TNFSF4: variants seen among roughly 807,000 people sequenced by gnomAD.
TNFSF4 encodes tumor necrosis factor ligand superfamily member 4.
In TNFSF4, 4 loss-of-function variants were observed where a neutral mutation model predicts 7.3. The observed-to-expected ratio is 0.55, with a 90% confidence interval of 0.27 to 1.25. The LOEUF is 1.25. Ranked by LOEUF, TNFSF4 falls within the 50% of genes most tolerant of loss-of-function variation. The pLI, the probability that TNFSF4 is intolerant of heterozygous loss-of-function variation, is 0.12. For missense variants in TNFSF4, 181 were observed against 208.8 expected (o/e 0.87, Z 0.82); for synonymous variants, 76 against 83.7 (o/e 0.91, Z 0.50).
chr1:173,449,251 G>A, the TNFSF4 span, among the ~76,000 whole-genome samples: 2 of 152,116 alleles, frequency 1.3e-5, no homozygotes, highest in South Asian at 4.1e-4. Flanking sequence ...GCTGATGCCA[G>A]AGCTGTTTCC....
chr1:173,227,461 T>C, the TNFSF4 span, among the ~76,000 whole-genome samples: 3 of 152,100 alleles, frequency 2.0e-5, no homozygotes, highest in African/African-American at 4.8e-5. Context: ...GTTGGCCAAA[T>C]AGGAACAGCT....
At chr1:173,175,935 T>A in the TNFSF4 span, among the ~76,000 whole-genome samples, 1 of 152,140 alleles carries the variant, frequency 6.6e-6, no homozygotes, top group East Asian at 1.9e-4. Context: ...GAAGTCATGG[T>A]TTTTTGTTTT....
the TNFSF4 span, among the ~76,000 whole-genome samples, chr1:173,278,096 G>C: frequency 6.6e-6 from 1 of 152,034 alleles, no homozygotes; most frequent in African/African-American, 2.4e-5. Context: ...CATTTAAATA[G>C]GAGATCCCAA....
the TNFSF4 span, among the ~76,000 whole-genome samples, chr1:173,365,090 GAA>G: frequency 3.0e-5 from 4 of 134,300 alleles, no homozygotes; most frequent in Admixed American, 1.5e-4. Flanking sequence ...CTGTCACAGG[GAA>G]AAAAAAAAAA....
the TNFSF4 span, among the ~76,000 whole-genome samples, chr1:173,306,357 C>T: frequency 6.6e-6 from 1 of 151,846 alleles, no homozygotes; most frequent in South Asian, 2.1e-4. Flanking sequence ...TGGGGGTAAT[C>T]ATATTAATCT....
the TNFSF4 span, among the ~76,000 whole-genome samples, chr1:173,401,449 T>G: frequency 6.6e-6 from 1 of 152,176 alleles, no homozygotes; most frequent in Middle Eastern, 3.2e-3. Context: ...GGTGTTTGGA[T>G]CTACAGACTG....
At chr1:173,392,232 A>G in the TNFSF4 span, among the ~76,000 whole-genome samples, 2 of 152,218 alleles carry the variant, frequency 1.3e-5, no homozygotes. Flanking sequence ...GTTAATGCCT[A>G]TCTCATAGAA....
At chr1:173,327,172 T>A in the TNFSF4 span, among the ~76,000 whole-genome samples, 1 of 152,102 alleles carries the variant, frequency 6.6e-6, no homozygotes, top group Non-Finnish European at 1.5e-5. Context: ...AACAGAGATA[T>A]AGACCAATGG....
chr1:173,242,868 G>T, the TNFSF4 span, among the ~76,000 whole-genome samples: 1 of 152,120 alleles, frequency 6.6e-6, no homozygotes, highest in Admixed American at 6.5e-5. Context: ...CTACAAAACT[G>T]TAAAATAATA....
At chr1:173,192,870 A>G (rs564250297) in intron 1 of TNFSF4, among the ~76,000 whole-genome samples, 3 of 152,350 alleles carry the variant, frequency 2.0e-5, no homozygotes, top group South Asian at 2.1e-4. Flanking sequence ...TAAAGTTTGA[A>G]TGAAATAATA....
the TNFSF4 span, among the ~76,000 whole-genome samples, chr1:173,227,904 T>A: frequency 9.9e-5 from 15 of 152,266 alleles, no homozygotes; most frequent in African/African-American, 3.4e-4. Flanking sequence ...CGCCCACCAT[T>A]GCTTAGGCTT....
At chr1:173,311,872 C>T in the TNFSF4 span, among the ~76,000 whole-genome samples, 24 of 152,118 alleles carry the variant, frequency 1.6e-4, no homozygotes, top group Non-Finnish European at 5.9e-5. Context: ...GTAATGGACA[C>T]ATCCTCTGAT....
At chr1:173,183,723 C>T (rs183926725), downstream of TNFSF4, 2 of 152,290 alleles carry the variant, frequency 1.3e-5, no homozygotes, top group Admixed American at 1.3e-4. Context: ...CTCCAACACT[C>T]TCACCAGTAG....
At chr1:173,186,899 T>G in intron 2 of TNFSF4, 34 bp from the exon 3 acceptor site, 1 of 1,434,164 alleles carries the variant, frequency 7.0e-7, no homozygotes, top group Non-Finnish European at 9.5e-7. Context: ...GTTTAATTAA[T>G]TCCTAAGCAT....
chr1:173,209,491 T>C (rs1417514249), upstream of TNFSF4, among the ~76,000 whole-genome samples: 1 of 152,130 alleles, frequency 6.6e-6, no homozygotes, highest in African/African-American at 2.4e-5. Context: ...CTATGGGCAA[T>C]TTTTTTCATT....
chr1:173,393,633 G>A, the TNFSF4 span, among the ~76,000 whole-genome samples: 1 of 152,220 alleles, frequency 6.6e-6, no homozygotes, highest in Non-Finnish European at 1.5e-5. Flanking sequence ...TGCAAGAGCA[G>A]CATTTCTTAG....
At chr1:173,441,354 G>A in the TNFSF4 span, among the ~76,000 whole-genome samples, 13 of 151,686 alleles carry the variant, frequency 8.6e-5, no homozygotes, top group Non-Finnish European at 1.8e-4. Flanking sequence ...CCTTACCATT[G>A]CTCAAGCCCT....
At chr1:173,402,125 G>T in the TNFSF4 span, among the ~76,000 whole-genome samples, 1 of 152,108 alleles carries the variant, frequency 6.6e-6, no homozygotes, top group African/African-American at 2.4e-5. Context: ...TTGGGAGCAG[G>T]TTGTGGGCAA....
At chr1:173,369,493 G>A in the TNFSF4 span, among the ~76,000 whole-genome samples, 31 of 152,198 alleles carry the variant, frequency 2.0e-4, no homozygotes, top group African/African-American at 6.0e-4. Flanking sequence ...TTCAGTGAGC[G>A]CAACTATTCT....
Sources: gnomAD v4.1 joint callset for allele counts (sites outside exome capture counted in the v4.1 genomes callset) on GRCh38, gnomAD v4.1.1 for gene constraint, MANE v1.5 for transcripts, NCBI Gene and HGNC (gene_info 2026-07-23, HGNC 2026-07-21) for gene names.